The following BRWD3 variants were observed in gnomAD, a reference collection of about 807,000 sequenced individuals.
BRWD3 encodes bromodomain and WD repeat domain containing 3.
BRWD3 carries 10 observed loss-of-function variants against 149.7 expected under a neutral mutation model. That is an observed-to-expected ratio of 0.07 (90% CI 0.04 to 0.11). The LOEUF (loss-of-function observed/expected upper bound fraction) is 0.11, where lower values mean the gene tolerates loss of function less well. Among genes scored for constraint, BRWD3 ranks in the 10% least tolerant of loss-of-function variants. The pLI, the probability that BRWD3 is intolerant of heterozygous loss-of-function variation, is 1.00. For missense variants in BRWD3, 940 were observed against 1,373.2 expected, an observed-to-expected ratio of 0.68 and a Z score of 4.99; for synonymous variants, 504 against 456.7, an observed-to-expected ratio of 1.10 and a Z score of -1.32.
chrX:80,735,668 G>GT (rs2073392707), intron 9 of BRWD3, among the ~76,000 whole-genome samples: 1 of 109,047 alleles, frequency 9.2e-6, no homozygotes, highest in African/African-American at 3.3e-5. Context: ...GCCAGGCATA[G>GT]TGGCGGGTGC....
At chrX:80,748,111 G>A (rs1009193520) in intron 6 of BRWD3, among the ~76,000 whole-genome samples, 2 of 111,536 alleles carry the variant, frequency 1.8e-5, no homozygotes, top group Non-Finnish European at 3.8e-5. Context: ...CCAAAGTGCT[G>A]GTGTTACAGG....
At chrX:80,808,750 G>C (rs1381674309) in intron 3 of BRWD3, 152 bp from the exon 4 acceptor site, 8 of 226,354 alleles carry the variant, frequency 3.5e-5, no homozygotes, top group Non-Finnish European at 4.0e-5. Flanking sequence ...CTCAGAGCTA[G>C]ACAAGTATAT....
At chrX:80,733,334 G>C (rs1479434266) in intron 12 of BRWD3, 122 bp downstream of exon 12, 1 of 509,175 alleles carries the variant, frequency 2.0e-6, no homozygotes, top group Non-Finnish European at 3.3e-6. Context: ...AGACAAACAA[G>C]GGCTTTGAAC....
At chrX:80,710,360 C>A in intron 20 of BRWD3, 1 of 336,002 alleles carries the variant, frequency 3.0e-6, no homozygotes, top group South Asian at 3.4e-5. Context: ...CAAACCTGGT[C>A]ATCTGCTGAC....
chrX:80,696,170 A>G (rs775134822), intron 26 of BRWD3, among the ~76,000 whole-genome samples, 180 bp from the exon 27 acceptor site: 1 of 111,355 alleles, frequency 9.0e-6, no homozygotes, highest in East Asian at 2.8e-4. Flanking sequence ...TGCCCTGCCT[A>G]CTGCCATATT....
intron 10 of BRWD3, 106 bp from the exon 11 acceptor site, chrX:80,734,324 G>C: frequency 1.9e-6 from 1 of 538,345 alleles, no homozygotes; most frequent in Non-Finnish European, 3.3e-6. Flanking sequence ...AAGGCTTAAA[G>C]AAACACAAGG....
chrX:80,684,244 G>A lies in BRWD3; in HGVS notation c.4081-82C>T, dbSNP rs770378470. 2.2e-4 allele frequency: 191 copies of A among 857,077 alleles called. No homozygotes were observed. In the South Asian group the frequency reaches 4.0e-3, roughly 18 times the overall value. 70.6% of individuals were successfully genotyped at this position (857,077 alleles called of 1,213,427 possible). On this transcript the variant is annotated intron_variant, in intron 36 of 40. Transcript: ENST00000373275. Reference sequence around the variant, plus strand: ...GACTAAAATTGGTATCACCTACTACGATCCACCATGAAATAAACACATTGC... The same window carrying A: ...GACTAAAATTGGTATCACCTACTACAATCCACCATGAAATAAACACATTGC...
chrX:80,788,684 T>C (rs2074142525), intron 6 of BRWD3, among the ~76,000 whole-genome samples: 1 of 112,176 alleles, frequency 8.9e-6, no homozygotes, highest in Admixed American at 9.5e-5. Context: ...ACATGAATAT[T>C]TATAATAGCT....
intron 6 of BRWD3, among the ~76,000 whole-genome samples, chrX:80,781,872 G>T (rs1480402838): frequency 2.7e-5 from 3 of 111,171 alleles, no homozygotes; most frequent in African/African-American, 9.8e-5. Context: ...ACAAAAAAAG[G>T]AAAGATATTC....
intron 37 of BRWD3, among the ~76,000 whole-genome samples, chrX:80,683,419 A>C (rs1356791124): frequency 1.8e-5 from 2 of 111,426 alleles, no homozygotes; most frequent in East Asian, 5.6e-4. Flanking sequence ...GGGAGGGGGA[A>C]GCAAGTGTAA....
Position 80,672,374 on chromosome X carries a change from C to A in BRWD3, c.*4235G>T, listed in dbSNP as rs1051924789. 2 of 75,897 alleles carry A rather than the reference C, an allele frequency of 2.6e-5. No homozygotes were observed. The highest frequency in any genetic ancestry group is 1.1e-4 in the African/African-American group (2 of 18,731). 6.3% of individuals were successfully genotyped at this position (75,897 alleles called of 1,213,427 possible). On this transcript the variant is annotated 3_prime_UTR_variant, in exon 41 of 41. Coordinates refer to ENST00000373275, the MANE Select transcript of BRWD3 (RefSeq NM_153252.5). ...CTGTAATCCCAGCACTTTGGGAGGCCGAGGTGAGGAAGGAAGGAAGGAGGG... is the reference window on the plus strand; with the variant it reads ...CTGTAATCCCAGCACTTTGGGAGGCAGAGGTGAGGAAGGAAGGAAGGAGGG...
intron 12 of BRWD3, among the ~76,000 whole-genome samples, chrX:80,732,754 T>C (rs1403767444): frequency 8.9e-6 from 1 of 111,980 alleles, no homozygotes; most frequent in Non-Finnish European, 1.9e-5. Flanking sequence ...AATGTAGCTC[T>C]AAGTCATGTG....
intron 25 of BRWD3, among the ~76,000 whole-genome samples, chrX:80,697,383 A>T (rs930975741): frequency 9.0e-6 from 1 of 110,991 alleles, no homozygotes; most frequent in African/African-American, 3.3e-5. Context: ...GATATATTGC[A>T]TAATGGTGGG....
chrX:80,789,385 C>CT (rs59916134), intron 6 of BRWD3, among the ~76,000 whole-genome samples: 1,653 of 108,842 alleles, frequency 0.015, 35 homozygotes, highest in African/African-American at 0.052. Flanking sequence ...TTTTTTTTTT[C>CT]TTTTTTTTGA....
chrX:80,802,962 G>A (rs951020250), intron 4 of BRWD3, among the ~76,000 whole-genome samples: 2 of 109,844 alleles, frequency 1.8e-5, no homozygotes, highest in African/African-American at 6.7e-5. Context: ...AAAATTAGCC[G>A]GGCGTAGCGG....
At chrX:80,740,417 T>G (rs376573279) in intron 8 of BRWD3, among the ~76,000 whole-genome samples, 4 of 112,003 alleles carry the variant, frequency 3.6e-5, no homozygotes, top group Admixed American at 9.5e-5. Flanking sequence ...ATGTGGACAA[T>G]TATTAAAAGA....
rs377425620 is a variant in BRWD3 at position 80,809,341 on chromosome X, T to G, written c.32-37A>C. The stretch of plus-strand genomic sequence containing the variant: ...GGGGGAAAAGAGGTTCAGAGGGAGG[T>G]AGAGAAGAGAAATAGAAGCTTTTTC... On this transcript the variant is annotated intron_variant, in intron 1 of 40. Transcript: ENST00000373275. The G allele has an allele frequency of 1.3e-4, 147 of 1,162,707 alleles. 1 individual carries two copies. Among genetic ancestry groups the G allele is most frequent in the Admixed American group, 3.2e-4 (13 of 40,250 alleles).
chrX:80,736,121 A>G, intron 8 of BRWD3, 33 bp from the exon 9 acceptor site: 1 of 938,714 alleles, frequency 1.1e-6, no homozygotes, highest in Non-Finnish European at 1.5e-6. Context: ...TCAAATAAAA[A>G]GTTTTCATGT....
intron 25 of BRWD3, among the ~76,000 whole-genome samples, chrX:80,697,910 T>C (rs1196314342): frequency 8.9e-6 from 1 of 112,444 alleles, no homozygotes; most frequent in Non-Finnish European, 1.9e-5. Flanking sequence ...GCTGAACTAA[T>C]TCACATTCCC....
Sources: gnomAD v4.1 joint callset for allele counts (sites outside exome capture counted in the v4.1 genomes callset) on GRCh38, gnomAD v4.1.1 for gene constraint, MANE v1.5 for transcripts, NCBI Gene and HGNC (gene_info 2026-07-23, HGNC 2026-07-21) for gene names.